The following SLC6A15 variants were observed in gnomAD, a reference collection of about 807,000 sequenced individuals.
The protein encoded by SLC6A15 is solute carrier family 6 member 15, also known as sodium-dependent neutral amino acid transporter B(0)AT2.
A neutral mutation model predicts 68.5 loss-of-function variants in SLC6A15; 33 were observed. The observed-to-expected ratio is 0.48, with a 90% CI of 0.37 to 0.64. The LOEUF (loss-of-function observed/expected upper bound fraction) is 0.64. Ranked by LOEUF, SLC6A15 falls within the 30% of genes least tolerant of loss-of-function variation. The pLI is 0.00. For missense variants in SLC6A15, 747 were observed against 874.3 expected (o/e 0.85, Z 1.84); for synonymous variants, 347 against 301.0 (o/e 1.15, Z -1.58).
At chr12:84,907,362 A>T (rs149175640) in intron 1 of SLC6A15, among the ~76,000 whole-genome samples, 23 of 152,138 alleles carry the variant, frequency 1.5e-4, no homozygotes, top group Non-Finnish European at 2.9e-4. Context: ...AAAAACAAAA[A>T]ACAAAAAAAA....
rs1177093791 is a variant in SLC6A15 at position 84,861,050 on chromosome 12, T to G, written c.*582A>C. ...ATCTCATCTTTCATCCCAGCGTTAG[T>G]GCCTTCTCATGCTTTGATTGCTATT... On this transcript the variant is annotated 3_prime_UTR_variant, in exon 12 of 12. Transcript: ENST00000266682. 6.6e-6 allele frequency: 1 copy of G among 152,198 alleles called. No individual in the cohort carries two copies. The highest frequency in any genetic ancestry group is 1.5e-5 in the Non-Finnish European group (1 of 68,030). 9.4% of individuals were successfully genotyped at this position (152,198 alleles called of 1,614,324 possible).
chr12:84,896,335 C>T (rs764366666), intron 1 of SLC6A15, among the ~76,000 whole-genome samples: 11 of 151,802 alleles, frequency 7.2e-5, no homozygotes, highest in Non-Finnish European at 7.4e-5. Flanking sequence ...TAAAATATTG[C>T]TCATGGACCA....
At chr12:84,884,145 A>ATAAGCATTATAGCAT (rs1871967657) in intron 4 of SLC6A15, 105 bp from the exon 5 acceptor site, 1 of 878,926 alleles carries the variant, frequency 1.1e-6, no homozygotes, top group Admixed American at 2.4e-5. Flanking sequence ...TTCCTAGAAA[A>ATAAGCATTATAGCAT]GTACTACCAT....
intron 6 of SLC6A15, among the ~76,000 whole-genome samples, chr12:84,874,842 T>G (rs1467753844): frequency 1.3e-5 from 2 of 152,200 alleles, no homozygotes; most frequent in Non-Finnish European, 2.9e-5. Context: ...TGTGCTTATG[T>G]ACTTTCTCCC....
intron 9 of SLC6A15, among the ~76,000 whole-genome samples, chr12:84,870,045 C>T (rs1871219608): frequency 6.6e-6 from 1 of 151,850 alleles, no homozygotes; most frequent in African/African-American, 2.4e-5. Context: ...ACTACTGCTG[C>T]TGTATATGAG....
At chr12:84,884,468 G>A (rs1871986171) in intron 4 of SLC6A15, among the ~76,000 whole-genome samples, 1 of 151,892 alleles carries the variant, frequency 6.6e-6, no homozygotes, top group Non-Finnish European at 1.5e-5. Context: ...ACCAAACCGA[G>A]CTAATTTTTG....
At position 84,892,037 on chromosome 12, in the gene SLC6A15, G is replaced by A. The variant is rs372993628; in HGVS notation, c.84C>T (p.Asp28=). 88 of 1,612,794 alleles carry A rather than the reference G, an allele frequency of 5.5e-5. No homozygotes were observed. The highest frequency in any genetic ancestry group is 4.2e-4 in the Admixed American group (25 of 59,902). Residue 28 remains aspartate (D), a synonymous_variant, in exon 2 of 12, where the codon GAC becomes GAT. Coordinates refer to ENST00000266682, the MANE Select transcript of SLC6A15 (RefSeq NM_182767.6). The part of the protein sequence containing the change: ...ESVKDLLSNE[D]AADDAFKTSE... The stretch of plus-strand genomic sequence containing the variant: ...TTGTCTTAAAAGCATCATCAGCTGC[G>A]TCTTCATTGGAAAGAAGGTCTTTGA...
In SLC6A15 at chr12:84,891,863, T is replaced by C; in HGVS notation, c.258A>G (p.Arg86=). ...GFSVGLGNVW[R]FPYLCQKNGG... is the part of the protein sequence containing the mutation. ...CATTCTTCTGACATAGGTATGGAAA[T>C]CGCCACACATTTCCTAAACCTACAG... The change falls in exon 2 of 12, where the codon CGA becomes CGG. Residue 86 remains arginine, a synonymous_variant. Transcript: ENST00000266682. 1 of 1,613,862 alleles carries C rather than the reference T, an allele frequency of 6.2e-7. No individual in the cohort carries two copies. Among genetic ancestry groups the C allele is most frequent in the Non-Finnish European group, 8.5e-7 (1 of 1,179,842 alleles).
intron 6 of SLC6A15, 47 bp downstream of exon 6, chr12:84,876,450 A>G (rs770003354): frequency 2.1e-6 from 2 of 956,338 alleles, no homozygotes; most frequent in Non-Finnish European, 3.2e-6. Flanking sequence ...AACAATAAAC[A>G]TAATGCTTTC....
chr12:84,912,095 G>A (rs570740542), intron 1 of SLC6A15: 1 of 152,228 alleles, frequency 6.6e-6, no homozygotes, highest in African/African-American at 2.4e-5. Flanking sequence ...AATTCACCTC[G>A]CGTCTCTCTC....
At chr12:84,886,209 AC>A in intron 2 of SLC6A15, 141 bp from the exon 3 acceptor site, 1 of 453,966 alleles carries the variant, frequency 2.2e-6, no homozygotes, top group Non-Finnish European at 3.7e-6. Flanking sequence ...CAATTTCATT[AC>A]TTTGCACTTT....
In SLC6A15 at chr12:84,867,124, G is replaced by A; in HGVS notation, c.1565C>T (p.Thr522Ile). The part of the protein sequence containing the change: ...FVQRSGNYFV[T>I]MFDDYSATLP... ...TGTAGCAGAATAATCATCAAACATT[G>A]TAACAAAGTAATTTCCAGAGCGTTG... The change falls in exon 10 of 12, where the codon ACA becomes ATA. Residue 522 changes from threonine to isoleucine, a missense_variant. By Grantham distance (89) the Thr-to-Ile change is moderately conservative. Coordinates refer to ENST00000266682, the MANE Select transcript of SLC6A15 (RefSeq NM_182767.6). 1 of 1,612,568 alleles carries A rather than the reference G, an allele frequency of 6.2e-7. No homozygotes were observed. The highest frequency in any genetic ancestry group is 8.5e-7 in the Non-Finnish European group (1 of 1,179,284).
rs1870931150 is a variant in SLC6A15, at chr12:84,863,368, A to C, written c.1818+71T>G. The C allele has an allele frequency of 8.5e-6, 10 of 1,181,258 alleles. No individual in the cohort carries two copies. In the Admixed American group the frequency reaches 2.7e-4, roughly 32 times the overall value. 73.2% of individuals were successfully genotyped at this position (1,181,258 alleles called of 1,614,324 possible). On this transcript the variant is annotated intron_variant, in intron 11 of 11. Transcript: ENST00000266682. ...CAGCAAAAAATACTGTGATGGAGAC[A>C]AAAGAAAAAGCCCTCTAAAAAAGCT...
chr12:84,861,435 T>A lies in SLC6A15; in HGVS notation c.*197A>T. 1 of 532,940 alleles carries A rather than the reference T, an allele frequency of 1.9e-6. No individual in the cohort carries two copies. Among genetic ancestry groups the A allele is most frequent in the Non-Finnish European group, 3.1e-6 (1 of 326,820 alleles). The allele number at this position is 532,940 out of a possible 1,614,324, so 33.0% of individuals were successfully genotyped here. On this transcript the variant is annotated 3_prime_UTR_variant, in exon 12 of 12. Transcript: ENST00000266682. ...CAGCCCTCCTAAGATTTGTCTGCAA[T>A]CCTTTCTGCACAAATGTAAACCAAA...
intron 1 of SLC6A15, among the ~76,000 whole-genome samples, chr12:84,897,956 CA>C (rs904448494): frequency 2.0e-5 from 3 of 151,072 alleles, no homozygotes; most frequent in African/African-American, 2.4e-5. Context: ...ATTAAATTAC[CA>C]AAAAAAATCA....
chr12:84,876,661 G>A, intron 5 of SLC6A15, 54 bp from the exon 6 acceptor site: 1 of 816,426 alleles, frequency 1.2e-6, no homozygotes, highest in South Asian at 2.0e-5. Flanking sequence ...TTTTTTTATA[G>A]ATAAGATTTT....
Position 84,868,106 on chromosome 12 carries a change from A to G in SLC6A15, c.1496-913T>C, listed in dbSNP as rs577538663. On this transcript the variant is annotated intron_variant, in intron 9 of 11. Coordinates refer to ENST00000266682, the MANE Select transcript of SLC6A15 (RefSeq NM_182767.6). ...AAAAGACATCCACGGAGTCAATCAT[A>G]TGAACACTCCCTAACAATTTCAGCA... is the stretch of plus-strand genomic sequence containing the variant. Among the ~76,000 whole-genome samples the G allele has an allele frequency of 2.6e-5, 4 of 152,286 alleles. No individual in the cohort carries two copies. The East Asian group carries it at 7.7e-4, about 29-fold the overall frequency.
At chr12:84,862,773 TTTTA>T (rs984242510) in intron 11 of SLC6A15, among the ~76,000 whole-genome samples, 3 of 152,112 alleles carry the variant, frequency 2.0e-5, no homozygotes, top group African/African-American at 7.2e-5. Flanking sequence ...GGGATACAAT[TTTTA>T]TTTATTTATT....
In SLC6A15 at chr12:84,881,591, G is replaced by A. The variant is rs1427939597; in HGVS notation, c.756+2268C>T. ...TTTTAATTCATGCAGTTTCCACTTA[G>A]CATTTTGGGGTATATGTATATGCAT... On this transcript the variant is annotated intron_variant, in intron 5 of 11. Transcript: ENST00000266682. 5.1e-6 allele frequency: 5 copies of A among 985,180 alleles called. No homozygotes were observed. In the East Asian group the frequency reaches 3.4e-4, roughly 67 times the overall value. 61.0% of individuals were successfully genotyped at this position (985,180 alleles called of 1,614,324 possible). A position where few individuals can be genotyped will look rare whatever the true frequency, so the allele number is the denominator to read the frequency against.
Sources: allele counts gnomAD v4.1 joint callset (sites outside exome capture counted in the v4.1 genomes callset), GRCh38; gene constraint gnomAD v4.1.1; transcripts MANE v1.5; gene names NCBI Gene and HGNC (gene_info 2026-07-23, HGNC 2026-07-21).